Variants in DPYSL2 observed in about 807,000 individuals in gnomAD.
DPYSL2 encodes dihydropyrimidinase-related protein 2.
Under a neutral mutation model 69.9 loss-of-function variants are expected in DPYSL2, and 13 were observed. The ratio of observed to expected loss-of-function variants is 0.19; its 90% CI spans 0.12 to 0.30. The LOEUF is 0.30. Among genes scored for constraint, DPYSL2 ranks in the 10% least tolerant of loss-of-function variants. The probability of loss-of-function intolerance (pLI) is 1.00; values close to 1 mark genes in which losing one functional copy is unlikely to be tolerated. For missense variants in DPYSL2, 587 were observed against 918.9 expected (o/e 0.64, Z 4.67); for synonymous variants, 326 against 359.1 (o/e 0.91, Z 1.04).
rs867068731 is a variant in DPYSL2, at chr8:26,586,678, A to G, written c.628+2695A>G. Among the ~76,000 whole-genome samples the G allele has an allele frequency of 6.6e-6, 1 of 151,942 alleles. No homozygotes were observed. The highest frequency in any genetic ancestry group is 2.4e-5 in the African/African-American group (1 of 41,360). On this transcript the variant is annotated intron_variant, in intron 3 of 13. Transcript: ENST00000521913. This position sits in a 1 kb window ranked among gnomAD's most constrained non-coding sequence, Gnocchi z 4.7. The stretch of plus-strand genomic sequence containing the variant: ...CCAGATGGGTTCCTTCTGTTTAGGG[A>G]CGAGGGACATCCCCCTCTGAGTGCA...
Position 26,613,227 on chromosome 8 carries a change from A to G in DPYSL2, c.629-10916A>G, listed in dbSNP as rs952742159. On this transcript the variant is annotated intron_variant, in intron 3 of 13. Coordinates refer to ENST00000521913, the MANE Select transcript of DPYSL2 (RefSeq NM_001197293.3). ...TCTGCGACATCATCTTCAGAATGTG[A>G]AATTACAGTGGGTTTGGAATCTGGG... 3.3e-5 allele frequency among the ~76,000 whole-genome samples: 5 copies of G among 152,202 alleles called. No homozygotes were observed. The East Asian group carries it at 7.7e-4, about 23-fold the overall frequency.
At chr8:26,526,225 G>A (rs546771531) in intron 1 of DPYSL2, among the ~76,000 whole-genome samples, 5 of 152,298 alleles carry the variant, frequency 3.3e-5, no homozygotes, top group Admixed American at 2.6e-4. Flanking sequence ...CTCCCAAATA[G>A]CTGGGACTAC....
At chr8:26,602,138 AT>A (rs374443692) in intron 3 of DPYSL2, among the ~76,000 whole-genome samples, 3,622 of 135,278 alleles carry the variant, frequency 0.027, 81 homozygotes, top group African/African-American at 0.076. Context: ...AACAAAGGAA[AT>A]TTTTTTTTTT....
intron 3 of DPYSL2, among the ~76,000 whole-genome samples, chr8:26,607,131 A>T (rs1802123820): frequency 6.6e-6 from 1 of 152,238 alleles, no homozygotes; most frequent in African/African-American, 2.4e-5. Flanking sequence ...AATGATGAAA[A>T]TTGGTGACTG....
At chr8:26,559,624 TTAAG>T (rs1392598949) in intron 1 of DPYSL2, among the ~76,000 whole-genome samples, 1 of 152,224 alleles carries the variant, frequency 6.6e-6, no homozygotes, top group Non-Finnish European at 1.5e-5. Context: ...TCTTAGTTCT[TTAAG>T]TAATTTGGAA....
At position 26,573,895 on chromosome 8, in the gene DPYSL2, ATTT is replaced by A. The variant is rs11340126; in HGVS notation, c.355-8061_355-8059del. ...AGGGAAAGGCTTGCTTGCATTGGGG[ATTT>A]TTTTTTTTTTTTGACATTAAAACTC... On this transcript the variant is annotated intron_variant, in intron 1 of 13. Coordinates refer to ENST00000521913, the MANE Select transcript of DPYSL2 (RefSeq NM_001197293.3). Among the ~76,000 whole-genome samples, 1,483 of 139,324 alleles carry A rather than the reference ATTT, an allele frequency of 0.011. 50 individuals are homozygous for A. In the East Asian group the frequency reaches 0.15, roughly 14 times the overall value. The allele number at this position is 139,324 out of a possible 152,430, so 91.4% of individuals were successfully genotyped here. A position where few individuals can be genotyped will look rare whatever the true frequency, so the allele number is the denominator to read the frequency against.
Position 26,610,154 on chromosome 8 carries a change from C to T in DPYSL2, c.629-13989C>T, listed in dbSNP as rs142441752. 3.9e-5 allele frequency among the ~76,000 whole-genome samples: 6 copies of T among 152,320 alleles called. No individual in the cohort carries two copies. In the East Asian group the frequency reaches 1.2e-3, roughly 29 times the overall value. On this transcript the variant is annotated intron_variant, in intron 3 of 13. Coordinates refer to ENST00000521913, the MANE Select transcript of DPYSL2 (RefSeq NM_001197293.3). This position sits in a 1 kb window ranked among gnomAD's most constrained non-coding sequence, Gnocchi z 4.5. The stretch of plus-strand genomic sequence containing the variant: ...TGATGTTTCGTGGGATCTGCAAGAG[C>T]CTGTAGCGTCAGGTTTCTTTCCTTT...
intron 1 of DPYSL2, among the ~76,000 whole-genome samples, chr8:26,572,293 G>A (rs1458892185): frequency 1.3e-5 from 2 of 152,226 alleles, no homozygotes; most frequent in African/African-American, 4.8e-5. Context: ...GTTCCGGGCA[G>A]ATGCTGAGGA....
chr8:26,584,094 A>G, intron 3 of DPYSL2, 111 bp downstream of exon 3: 3 of 1,034,736 alleles, frequency 2.9e-6, no homozygotes. Flanking sequence ...GCCACAGTTC[A>G]ATCTACCAAA....
At chr8:26,537,611 T>TCTACACACACACACACACACAC (rs141281802) in intron 1 of DPYSL2, among the ~76,000 whole-genome samples, 1 of 147,546 alleles carries the variant, frequency 6.8e-6, no homozygotes, top group Non-Finnish European at 1.5e-5. Context: ...ATTCTCTCTC[T>TCTACACACACACACACACACAC]ACACACACAC....
intron 1 of DPYSL2, among the ~76,000 whole-genome samples, chr8:26,568,249 C>A (rs1166348396): frequency 6.6e-6 from 1 of 152,172 alleles, no homozygotes; most frequent in Admixed American, 6.5e-5. Flanking sequence ...GGAGAGCCCC[C>A]AGCCCAAGCC....
intron 3 of DPYSL2, among the ~76,000 whole-genome samples, chr8:26,613,168 A>T (rs1327704172): frequency 1.3e-5 from 2 of 152,226 alleles, no homozygotes; most frequent in Non-Finnish European, 2.9e-5. Context: ...GCCTGTGTTC[A>T]TCCAGGAAAA....
At chr8:26,527,685 C>A (rs923658051) in intron 1 of DPYSL2, among the ~76,000 whole-genome samples, 2 of 151,674 alleles carry the variant, frequency 1.3e-5, no homozygotes, top group African/African-American at 4.8e-5. Flanking sequence ...AATATTATTT[C>A]ATAAAATAAA....
In DPYSL2 at chr8:26,517,925, C is replaced by T. The variant is rs1051845684; in HGVS notation, c.354+3246C>T. Among the ~76,000 whole-genome samples the T allele has an allele frequency of 2.6e-5, 4 of 152,212 alleles. No individual in the cohort carries two copies. The highest frequency in any genetic ancestry group is 5.9e-5 in the Non-Finnish European group (4 of 68,034). On this transcript the variant is annotated intron_variant, in intron 1 of 13. Coordinates refer to ENST00000521913, the MANE Select transcript of DPYSL2 (RefSeq NM_001197293.3). The surrounding 1 kb of genome is among the most constrained non-coding windows in gnomAD (Gnocchi z 4.2). ...CTGGCCCTGGGAGCCCAGTGCTGTG[C>T]TGCCCTCTAACTGTACAACGTCATC...
rs539582017 is a variant in DPYSL2 at position 26,611,508 on chromosome 8, A to G, written c.629-12635A>G. Among the ~76,000 whole-genome samples the G allele has an allele frequency of 5.3e-5, 8 of 152,272 alleles. No homozygotes were observed. The East Asian group carries it at 1.5e-3, about 29-fold the overall frequency. On this transcript the variant is annotated intron_variant, in intron 3 of 13. Transcript: ENST00000521913. ...GAATTCCAGAAATGAAACACCACAC[A>G]CTTACTGGAAGCCAAGTTCGTGTTT...
intron 11 of DPYSL2, among the ~76,000 whole-genome samples, chr8:26,651,858 G>A (rs1423170072): frequency 1.3e-5 from 2 of 152,196 alleles, no homozygotes; most frequent in African/African-American, 2.4e-5. Flanking sequence ...CCTACTTGTG[G>A]ATGGCTCATT....
chr8:26,596,241 G>A (rs1353905189), intron 3 of DPYSL2, among the ~76,000 whole-genome samples: 3 of 152,226 alleles, frequency 2.0e-5, no homozygotes, highest in Non-Finnish European at 4.4e-5. Context: ...GTGGCGTGTT[G>A]TTGTGTCACT....
chr8:26,645,928 T>C (rs1309040755), intron 10 of DPYSL2, among the ~76,000 whole-genome samples: 1 of 150,472 alleles, frequency 6.6e-6, no homozygotes, highest in African/African-American at 2.4e-5. Flanking sequence ...TGCAATGGCG[T>C]GATCTTGGCT....
chr8:26,634,695 T>G, intron 7 of DPYSL2, 85 bp from the exon 8 acceptor site: 1 of 1,605,492 alleles, frequency 6.2e-7, no homozygotes. Flanking sequence ...GCCTTCATCT[T>G]AGCCTCTCTC....
Sources: allele counts gnomAD v4.1 joint callset (sites outside exome capture counted in the v4.1 genomes callset), GRCh38; gene constraint gnomAD v4.1.1; non-coding constraint Gnocchi (gnomAD v3.1); transcripts MANE v1.5; gene names NCBI Gene and HGNC (gene_info 2026-07-23, HGNC 2026-07-21).